Variants in CDKAL1 observed in about 807,000 individuals in gnomAD.
CDKAL1 encodes the protein CDKAL1 threonylcarbamoyladenosine tRNA methylthiotransferase, also known as threonylcarbamoyladenosine tRNA methylthiotransferase.
In CDKAL1, 32 loss-of-function variants were observed where a neutral mutation model predicts 68.2. The observed-to-expected ratio is 0.47, with a 90% CI of 0.35 to 0.63. The LOEUF (loss-of-function observed/expected upper bound fraction) is 0.63, where lower values mean the gene tolerates loss of function less well. Among genes scored for constraint, CDKAL1 ranks in the 30% least tolerant of loss-of-function variants. The pLI, the probability that CDKAL1 is intolerant of heterozygous loss-of-function variation, is 0.00. For synonymous variants in CDKAL1, 234 were observed against 244.3 expected (o/e 0.96, Z 0.39); for missense variants, 606 against 696.7 (o/e 0.87, Z 1.47).
In CDKAL1 at chr6:20,781,150, T is replaced by C; in HGVS notation, c.523T>C (p.Ser175Pro). The C allele has an allele frequency of 4.3e-6, 7 of 1,613,272 alleles. No individual in the cohort carries two copies. The highest frequency in any genetic ancestry group is 5.9e-6 in the Non-Finnish European group (7 of 1,179,814). The part of the protein sequence containing the change: ...EVVEETIKGH[S>P]VRLLGQKKDN... ...TTTATGTGCTTGATTTGAAGGTCAC[T>C]CTGTGAGACTGCTGGGTCAGAAAAA... Residue 175 changes from serine to proline, a missense_variant, in exon 8 of 16, where the codon TCT (serine) becomes CCT (proline). By Grantham distance (74) the Ser-to-Pro change is moderately conservative. Transcript: ENST00000274695.
chr6:20,676,698 T>TAAATAATA (rs1554175383), intron 5 of CDKAL1, among the ~76,000 whole-genome samples: 13 of 80,752 alleles, frequency 1.6e-4, no homozygotes, highest in African/African-American at 8.9e-4. Flanking sequence ...AATAAATAAA[T>TAAATAATA]AAATAAAATA....
At chr6:21,146,682 C>G (rs900436127) in intron 13 of CDKAL1, among the ~76,000 whole-genome samples, 1 of 151,842 alleles carries the variant, frequency 6.6e-6, no homozygotes, top group African/African-American at 2.4e-5. Flanking sequence ...AACCCCATCT[C>G]TACTAAAAAT....
chr6:20,997,541 C>CG (rs896321827), intron 10 of CDKAL1, among the ~76,000 whole-genome samples: 17 of 54,672 alleles, frequency 3.1e-4, no homozygotes, highest in Admixed American at 2.3e-4. Flanking sequence ...ACGGGGGTGG[C>CG]GGGGGGAGGG....
chr6:20,987,633 T>G (rs745954111), intron 10 of CDKAL1, among the ~76,000 whole-genome samples: 12 of 152,308 alleles, frequency 7.9e-5, no homozygotes, highest in Non-Finnish European at 1.5e-4. Flanking sequence ...AGTTAACTTC[T>G]TCTTCCCGTG....
chr6:20,568,550 G>A (rs1299373074), intron 4 of CDKAL1, among the ~76,000 whole-genome samples: 1 of 151,652 alleles, frequency 6.6e-6, no homozygotes, highest in Non-Finnish European at 1.5e-5. Context: ...TGGCTAACAC[G>A]GTAAAACCCC....
chr6:21,041,985 G>T (rs1769959037), intron 11 of CDKAL1, among the ~76,000 whole-genome samples: 1 of 151,994 alleles, frequency 6.6e-6, no homozygotes, highest in African/African-American at 2.4e-5. Flanking sequence ...AAGGGTAGAG[G>T]ATATTTGGTA....
intron 12 of CDKAL1, among the ~76,000 whole-genome samples, chr6:21,078,165 G>A (rs748655611): frequency 2.1e-4 from 32 of 152,094 alleles, no homozygotes; most frequent in Non-Finnish European, 3.8e-4. Flanking sequence ...TGTGTTTTGT[G>A]GTAATTTGTT....
chr6:21,112,452 A>G (rs1774167277), intron 13 of CDKAL1, among the ~76,000 whole-genome samples: 1 of 152,214 alleles, frequency 6.6e-6, no homozygotes, highest in Non-Finnish European at 1.5e-5. Context: ...TTTAACAGGT[A>G]GTCACTATTT....
intron 5 of CDKAL1, among the ~76,000 whole-genome samples, chr6:20,689,067 A>T (rs867378614): frequency 2.5e-4 from 38 of 152,194 alleles, no homozygotes; most frequent in African/African-American, 3.4e-4. Context: ...GGCTCTGGTG[A>T]CACCCCAGCA....
Position 21,151,321 on chromosome 6 carries a change from C to A in CDKAL1, c.1299+42858C>A, listed in dbSNP as rs114962848. Among the ~76,000 whole-genome samples the A allele has an allele frequency of 1.2e-4, 18 of 152,360 alleles. 1 individual carries two copies. In the South Asian group the frequency reaches 2.3e-3, roughly 19 times the overall value. ...TTTAGTTTAACCCTCTCCGACCCAG[C>A]CTCAGCGTGGCTGGACAGTAGTAAC... is the stretch of plus-strand genomic sequence containing the variant. On this transcript the variant is annotated intron_variant, in intron 13 of 15. Transcript: ENST00000274695.
intron 5 of CDKAL1, among the ~76,000 whole-genome samples, chr6:20,654,632 A>C (rs1049905707): frequency 1.3e-5 from 2 of 152,216 alleles, no homozygotes; most frequent in Admixed American, 1.3e-4. Context: ...ATTTTTTATT[A>C]TGGTATCAGA....
At chr6:20,926,496 G>A (rs1412267440) in intron 9 of CDKAL1, among the ~76,000 whole-genome samples, 1 of 151,992 alleles carries the variant, frequency 6.6e-6, no homozygotes, top group Non-Finnish European at 1.5e-5. Context: ...AGGAGAAGAG[G>A]CACAGCTGTT....
intron 4 of CDKAL1, among the ~76,000 whole-genome samples, chr6:20,588,969 A>T (rs1765484045): frequency 1.3e-5 from 2 of 152,132 alleles, no homozygotes; most frequent in Admixed American, 6.5e-5. Flanking sequence ...TAATATTTTC[A>T]TTTATGGTTT....
chr6:20,982,700 T>C (rs952419277), intron 10 of CDKAL1, among the ~76,000 whole-genome samples: 2 of 151,836 alleles, frequency 1.3e-5, no homozygotes, highest in Non-Finnish European at 2.9e-5. Context: ...TCTGTTAACA[T>C]TGGGCAAAAC....
chr6:20,972,179 G>A (rs2150755864), intron 10 of CDKAL1, among the ~76,000 whole-genome samples: 1 of 152,312 alleles, frequency 6.6e-6, no homozygotes, highest in South Asian at 2.1e-4. Context: ...AAATAATACA[G>A]TGTAAAGTGA....
chr6:20,988,395 A>G (rs1047020447), intron 10 of CDKAL1, among the ~76,000 whole-genome samples: 7 of 152,130 alleles, frequency 4.6e-5, no homozygotes, highest in Non-Finnish European at 1.0e-4. Context: ...TTTATCAGCT[A>G]TCTGCGCATT....
intron 13 of CDKAL1, among the ~76,000 whole-genome samples, chr6:21,158,192 G>C (rs989614411): frequency 6.6e-6 from 1 of 152,188 alleles, no homozygotes; most frequent in African/African-American, 2.4e-5. Flanking sequence ...TAGTGAACTG[G>C]TTTCAATTTA....
rs150741426 is a variant in CDKAL1, at chr6:20,602,756, C to T, written c.287-46537C>T. 4.6e-5 allele frequency among the ~76,000 whole-genome samples: 7 copies of T among 152,230 alleles called. No homozygotes were observed. In the East Asian group the frequency reaches 1.4e-3, roughly 29 times the overall value. On this transcript the variant is annotated intron_variant, in intron 4 of 15. Coordinates refer to ENST00000274695, the MANE Select transcript of CDKAL1 (RefSeq NM_017774.3). Reference sequence around the variant, plus strand: ...AGCCTCACTTGGTTGTTCTTTGATTCCCTGGGATATCAGTTTTCTGGGCTG... The same window carrying T: ...AGCCTCACTTGGTTGTTCTTTGATTTCCTGGGATATCAGTTTTCTGGGCTG...
At chr6:20,965,432 G>T (rs1249186188) in intron 10 of CDKAL1, among the ~76,000 whole-genome samples, 4 of 146,756 alleles carry the variant, frequency 2.7e-5, no homozygotes, top group Admixed American at 2.7e-4. Context: ...GGAGGGGAGG[G>T]GAGGGGAGGG....
Sources: allele counts gnomAD v4.1 joint callset (sites outside exome capture counted in the v4.1 genomes callset), GRCh38; gene constraint gnomAD v4.1.1; transcripts MANE v1.5; gene names NCBI Gene and HGNC (gene_info 2026-07-23, HGNC 2026-07-21).